The following DLG2 variants were observed in gnomAD, a reference collection of about 807,000 sequenced individuals.
DLG2 encodes the protein discs large MAGUK scaffold protein 2.
Under a neutral mutation model 132.5 loss-of-function variants are expected in DLG2, and 45 were observed. The ratio of observed to expected loss-of-function variants is 0.34; its 90% CI spans 0.27 to 0.44. The LOEUF is 0.44. Ranked by LOEUF, DLG2 falls within the 20% of genes least tolerant of loss-of-function variation. The probability of loss-of-function intolerance (pLI) is 1.00; values close to 1 mark genes in which losing one functional copy is unlikely to be tolerated. For synonymous variants in DLG2, 424 were observed against 419.6 expected (o/e 1.01, Z -0.13); for missense variants, 1,045 against 1,196.9 (o/e 0.87, Z 1.87).
intron 19 of DLG2, among the ~76,000 whole-genome samples, chr11:83,561,876 T>G (rs918091849): frequency 7.5e-6 from 1 of 134,024 alleles, no homozygotes; most frequent in African/African-American, 2.8e-5. Flanking sequence ...TGACTTAGTA[T>G]TTCTTTCTTT....
intron 3 of DLG2, among the ~76,000 whole-genome samples, chr11:85,393,354 A>T (rs2086973495): frequency 6.6e-6 from 1 of 152,184 alleles, no homozygotes; most frequent in African/African-American, 2.4e-5. Flanking sequence ...GTGAAAAGGA[A>T]CACTTTTACA....
At chr11:85,170,478 G>A (rs1422784832) in intron 4 of DLG2, among the ~76,000 whole-genome samples, 1 of 152,026 alleles carries the variant, frequency 6.6e-6, no homozygotes, top group Non-Finnish European at 1.5e-5. Context: ...AGCTTGGGCA[G>A]GAAAAATAGT....
intron 6 of DLG2, among the ~76,000 whole-genome samples, chr11:84,587,580 T>G (rs1430802472): frequency 6.6e-6 from 1 of 152,230 alleles, no homozygotes; most frequent in Non-Finnish European, 1.5e-5. Flanking sequence ...TATTTAGATG[T>G]GTTTTTCTGG....
chr11:84,838,689 T>A (rs1220999270), intron 6 of DLG2, among the ~76,000 whole-genome samples: 1 of 152,066 alleles, frequency 6.6e-6, no homozygotes, highest in Non-Finnish European at 1.5e-5. Flanking sequence ...TGGTTCAACA[T>A]ATGCAAATCA....
chr11:84,150,616 G>A (rs758384170), intron 9 of DLG2, among the ~76,000 whole-genome samples: 7 of 152,032 alleles, frequency 4.6e-5, no homozygotes, highest in Non-Finnish European at 1.0e-4. Context: ...CCTTTCTCTT[G>A]CTTGATTCTT....
At chr11:84,557,877 C>T (rs113343964) in intron 6 of DLG2, among the ~76,000 whole-genome samples, 4 of 152,132 alleles carry the variant, frequency 2.6e-5, no homozygotes, top group African/African-American at 9.6e-5. Context: ...CGTGCTTTCT[C>T]CAATGATCTT....
chr11:85,360,516 T>TG (rs562496047), intron 3 of DLG2, among the ~76,000 whole-genome samples: 99 of 152,314 alleles, frequency 6.5e-4, no homozygotes, highest in African/African-American at 2.4e-3. Flanking sequence ...ATCCTCCTCA[T>TG]AGCTGTAAGT....
At chr11:83,917,340 C>G (rs188100537) in intron 15 of DLG2, among the ~76,000 whole-genome samples, 1 of 152,198 alleles carries the variant, frequency 6.6e-6, no homozygotes, top group Non-Finnish European at 1.5e-5. Context: ...TTGCTATGTA[C>G]CTTGATTCTA....
intron 4 of DLG2, among the ~76,000 whole-genome samples, chr11:85,244,212 T>A (rs1290334140): frequency 6.6e-6 from 1 of 152,120 alleles, no homozygotes; most frequent in South Asian, 2.1e-4. Context: ...AGAGCTAAAC[T>A]TTTCTTTTAG....
chr11:85,025,793 A>G (rs902584916), intron 6 of DLG2, among the ~76,000 whole-genome samples: 1 of 152,070 alleles, frequency 6.6e-6, no homozygotes, highest in Non-Finnish European at 1.5e-5. Flanking sequence ...GTAAAAGAGT[A>G]TATCAGTGGA....
chr11:85,221,371 C>T (rs1038578512), intron 4 of DLG2, among the ~76,000 whole-genome samples: 81 of 152,022 alleles, frequency 5.3e-4, no homozygotes, highest in African/African-American at 1.9e-3. Context: ...ACTTTCTTTT[C>T]TAAAAACTCA....
chr11:84,024,422 A>G (rs1302259419), intron 11 of DLG2, among the ~76,000 whole-genome samples: 1 of 152,180 alleles, frequency 6.6e-6, no homozygotes, highest in African/African-American at 2.4e-5. Context: ...GTTTGTTTAC[A>G]CAAAATATTT....
chr11:85,624,943 A>G (rs1296792392), intron 2 of DLG2, among the ~76,000 whole-genome samples: 2 of 152,198 alleles, frequency 1.3e-5, no homozygotes, highest in African/African-American at 4.8e-5. Flanking sequence ...TAATTTCACC[A>G]ATGTATCAGC....
At chr11:85,493,466 G>T (rs1025041774) in intron 3 of DLG2, among the ~76,000 whole-genome samples, 1 of 152,106 alleles carries the variant, frequency 6.6e-6, no homozygotes, top group African/African-American at 2.4e-5. Context: ...TAGTATGCTT[G>T]TTTGCTAGAA....
At chr11:85,081,668 A>G (rs1048877803) in intron 6 of DLG2, among the ~76,000 whole-genome samples, 2 of 152,174 alleles carry the variant, frequency 1.3e-5, no homozygotes, top group African/African-American at 4.8e-5. Flanking sequence ...AGGTCCAATT[A>G]TGAGCTTTTT....
chr11:84,348,651 C>T (rs2098549401), intron 7 of DLG2, among the ~76,000 whole-genome samples: 1 of 152,102 alleles, frequency 6.6e-6, no homozygotes, highest in African/African-American at 2.4e-5. Flanking sequence ...ATATTGAAGT[C>T]CTACCTCCTA....
At chr11:85,593,865 T>G (rs1284760806) in intron 3 of DLG2, among the ~76,000 whole-genome samples, 1 of 152,156 alleles carries the variant, frequency 6.6e-6, no homozygotes, top group Non-Finnish European at 1.5e-5. Flanking sequence ...ATCATTATAA[T>G]TGAATAATAA....
At chr11:83,719,815 A>G (rs1398405930) in intron 18 of DLG2, among the ~76,000 whole-genome samples, 1 of 152,194 alleles carries the variant, frequency 6.6e-6, no homozygotes, top group Non-Finnish European at 1.5e-5. Flanking sequence ...TGACTCTATA[A>G]AGAATATAAT....
At chr11:84,984,378 A>G (rs767138986) in intron 6 of DLG2, among the ~76,000 whole-genome samples, 14 of 152,336 alleles carry the variant, frequency 9.2e-5, no homozygotes, top group Non-Finnish European at 2.1e-4. Flanking sequence ...ATCCAGTGAA[A>G]CTAAGTTTCA....
Sources: allele counts gnomAD v4.1 joint callset (sites outside exome capture counted in the v4.1 genomes callset), GRCh38; gene constraint gnomAD v4.1.1; transcripts MANE v1.5; gene names NCBI Gene and HGNC (gene_info 2026-07-23, HGNC 2026-07-21).